The following EYS variants were observed in gnomAD, a reference collection of about 807,000 sequenced individuals.
The protein encoded by EYS is protein eyes shut homolog.
In EYS, 250 loss-of-function variants were observed where a neutral mutation model predicts 282.1. That is an observed-to-expected ratio of 0.89 (90% CI 0.80 to 0.98). EYS has a LOEUF of 0.98. Among genes scored for constraint, EYS ranks in the 50% least tolerant of loss-of-function variants. The pLI is 0.00. For missense variants in EYS, 4,016 were observed against 3,709.0 expected (o/e 1.08, Z -2.15); for synonymous variants, 1,355 against 1,282.9 (o/e 1.06, Z -1.20).
At chr6:64,965,980 G>A (rs184731933) in intron 14 of EYS, among the ~76,000 whole-genome samples, 163 of 131,464 alleles carry the variant, frequency 1.2e-3, no homozygotes, top group African/African-American at 3.7e-3. Context: ...GTGTGTGTGC[G>A]CCTGTGTGTG....
intron 5 of EYS, chr6:65,489,550 T>G (rs1427146015): frequency 6.6e-6 from 1 of 152,168 alleles, no homozygotes; most frequent in East Asian, 1.9e-4. Flanking sequence ...AGTCCAACCA[T>G]TGTGGAAGAC....
intron 26 of EYS, among the ~76,000 whole-genome samples, chr6:64,525,443 G>A (rs1001133336): frequency 6.6e-6 from 1 of 151,676 alleles, no homozygotes; most frequent in Non-Finnish European, 1.5e-5. Flanking sequence ...AATACCACAT[G>A]TTCTCACTTA....
intron 26 of EYS, among the ~76,000 whole-genome samples, chr6:64,445,148 A>G (rs1243350751): frequency 6.6e-6 from 1 of 152,230 alleles, no homozygotes; most frequent in Non-Finnish European, 1.5e-5. Context: ...AAAAGTCAGG[A>G]CGATATTTTG....
chr6:65,227,172 A>C (rs1386443981), intron 12 of EYS, among the ~76,000 whole-genome samples: 1 of 152,028 alleles, frequency 6.6e-6, no homozygotes, highest in Non-Finnish European at 1.5e-5. Context: ...AAAAAAAAAA[A>C]ACAAGAAGTA....
chr6:63,866,273 G>A (rs1772669818), intron 35 of EYS, among the ~76,000 whole-genome samples: 1 of 152,112 alleles, frequency 6.6e-6, no homozygotes, highest in East Asian at 1.9e-4. Flanking sequence ...GTTGTTTGGG[G>A]GTAATGGATA....
At chr6:63,779,787 T>C (rs1056283421) in intron 39 of EYS, among the ~76,000 whole-genome samples, 1 of 151,746 alleles carries the variant, frequency 6.6e-6, no homozygotes, top group African/African-American at 2.4e-5. Flanking sequence ...CTAGGGTACA[T>C]GTGCATACCT....
At chr6:64,013,240 A>G (rs955198780) in intron 33 of EYS, among the ~76,000 whole-genome samples, 6 of 152,130 alleles carry the variant, frequency 3.9e-5, no homozygotes, top group African/African-American at 1.4e-4. Flanking sequence ...ATTTTCCAAG[A>G]ACTGTGATTT....
At chr6:65,234,841 A>C (rs1562040548) in intron 12 of EYS, among the ~76,000 whole-genome samples, 2 of 152,200 alleles carry the variant, frequency 1.3e-5, no homozygotes, top group South Asian at 4.1e-4. Flanking sequence ...GGATTTAAAG[A>C]TACTACATAG....
chr6:64,294,922 G>C (rs1768858808), intron 30 of EYS, among the ~76,000 whole-genome samples: 1 of 152,150 alleles, frequency 6.6e-6, no homozygotes, highest in Non-Finnish European at 1.5e-5. Flanking sequence ...CTGTATGCTG[G>C]AGTAAGATGA....
intron 31 of EYS, among the ~76,000 whole-genome samples, chr6:64,124,003 C>A (rs949182534): frequency 3.3e-5 from 5 of 151,944 alleles, no homozygotes; most frequent in African/African-American, 1.2e-4. Flanking sequence ...CACTGGAAGG[C>A]GAAGCATCCA....
chr6:64,743,244 C>A (rs902440305), intron 22 of EYS, among the ~76,000 whole-genome samples: 1 of 151,820 alleles, frequency 6.6e-6, no homozygotes, highest in African/African-American at 2.4e-5. Context: ...TTTTTTTGAA[C>A]CTTACTGGTA....
intron 31 of EYS, among the ~76,000 whole-genome samples, chr6:64,112,517 A>G (rs897298447): frequency 2.6e-5 from 4 of 151,824 alleles, no homozygotes; most frequent in African/African-American, 9.7e-5. Flanking sequence ...TTATTAAATC[A>G]AGTTAGTTAA....
chr6:65,062,299 T>C (rs994708568), intron 12 of EYS, among the ~76,000 whole-genome samples: 2 of 151,972 alleles, frequency 1.3e-5, no homozygotes, highest in African/African-American at 4.8e-5. Context: ...CAAGAGTTAT[T>C]CTTTATTGTT....
chr6:65,127,496 C>G (rs981817042), intron 12 of EYS, among the ~76,000 whole-genome samples: 1 of 152,032 alleles, frequency 6.6e-6, no homozygotes, highest in South Asian at 2.1e-4. Context: ...CCTATCAACA[C>G]AGTAAACATT....
chr6:65,186,142 C>T (rs934525216), intron 12 of EYS, among the ~76,000 whole-genome samples: 1 of 151,606 alleles, frequency 6.6e-6, no homozygotes, highest in African/African-American at 2.4e-5. Context: ...AACATTTTCA[C>T]TGATTATTGG....
At chr6:64,011,940 G>C (rs1485143883) in intron 33 of EYS, among the ~76,000 whole-genome samples, 1 of 151,546 alleles carries the variant, frequency 6.6e-6, no homozygotes, top group Non-Finnish European at 1.5e-5. Context: ...AATAACACTG[G>C]CTTGTTTATT....
intron 12 of EYS, among the ~76,000 whole-genome samples, chr6:65,192,303 G>C (rs1459371044): frequency 6.8e-6 from 1 of 147,862 alleles, no homozygotes; most frequent in Non-Finnish European, 1.5e-5. Context: ...CTGTGTGTGT[G>C]TGTGTGTGTG....
rs1477815482 is a variant in EYS at position 65,367,442 on chromosome 6, C to T, written c.1300-13825G>A. On this transcript the variant is annotated intron_variant, in intron 8 of 42. Coordinates refer to ENST00000503581, the MANE Select transcript of EYS (RefSeq NM_001142800.2). ...AAAAAAGTTTTTTTCAATTATTTTT[C>T]CTGTTTCAGCACTAGTAAAGACATA... 2.0e-5 allele frequency among the ~76,000 whole-genome samples: 3 copies of T among 151,386 alleles called. No individual in the cohort carries two copies. The Admixed American group carries it at 2.0e-4, about 10-fold the overall frequency.
At chr6:64,468,018 T>C (rs1455269922) in intron 26 of EYS, among the ~76,000 whole-genome samples, 4 of 152,070 alleles carry the variant, frequency 2.6e-5, no homozygotes, top group Non-Finnish European at 5.9e-5. Flanking sequence ...ATTCATGCAC[T>C]CAACCCACCA....
Sources: allele counts gnomAD v4.1 joint callset (sites outside exome capture counted in the v4.1 genomes callset), GRCh38; gene constraint gnomAD v4.1.1; transcripts MANE v1.5; gene names NCBI Gene and HGNC (gene_info 2026-07-23, HGNC 2026-07-21).